Variants in SERPINI1 observed in about 807,000 individuals in gnomAD.
The protein encoded by SERPINI1 is neuroserpin.
In SERPINI1, 19 loss-of-function variants were observed where a neutral mutation model predicts 41.1. The ratio of observed to expected loss-of-function variants is 0.46; its 90% CI spans 0.32 to 0.68. The LOEUF is 0.68. SERPINI1 is among the 30% of genes least tolerant of loss of function. The probability of loss-of-function intolerance (pLI) is 0.03; values close to 1 mark genes in which losing one functional copy is unlikely to be tolerated. For missense variants in SERPINI1, 460 were observed against 479.2 expected (o/e 0.96, Z 0.37); for synonymous variants, 138 against 156.6 (o/e 0.88, Z 0.89).
intron 3 of SERPINI1, among the ~76,000 whole-genome samples, chr3:167,791,386 C>A (rs1341476786): frequency 6.6e-6 from 1 of 152,108 alleles, no homozygotes; most frequent in Non-Finnish European, 1.5e-5. Context: ...CTCAATATCC[C>A]TTAATCTCCA....
At chr3:167,742,269 T>C (rs969999582) in intron 1 of SERPINI1, among the ~76,000 whole-genome samples, 17 of 152,184 alleles carry the variant, frequency 1.1e-4, no homozygotes, top group Admixed American at 8.5e-4. Flanking sequence ...CCAAAAGTGA[T>C]TAACAATTTA....
At chr3:167,789,539 A>T (rs1351434167) in intron 2 of SERPINI1, among the ~76,000 whole-genome samples, 161 bp downstream of exon 2, 1 of 152,248 alleles carries the variant, frequency 6.6e-6, no homozygotes, top group African/African-American at 2.4e-5. Flanking sequence ...AAATGTGTTA[A>T]TTCCTGATTC....
intron 1 of SERPINI1, among the ~76,000 whole-genome samples, chr3:167,741,532 T>A (rs1440577252): frequency 6.6e-6 from 1 of 152,258 alleles, no homozygotes; most frequent in Non-Finnish European, 1.5e-5. Flanking sequence ...CTTTGAGGTC[T>A]TTTAACCAGC....
chr3:167,770,828 T>C (rs1726724373), intron 1 of SERPINI1, among the ~76,000 whole-genome samples: 1 of 152,202 alleles, frequency 6.6e-6, no homozygotes. Flanking sequence ...TTTCTCCAGC[T>C]CTCACTAACC....
rs1727411203 is a variant in SERPINI1, at chr3:167,789,166, A to G, written c.38A>G (p.Gln13Arg). 1.9e-6 allele frequency: 3 copies of G among 1,614,028 alleles called. No individual in the cohort carries two copies. Among genetic ancestry groups the G allele is most frequent in the Admixed American group, 1.7e-5 (1 of 60,006 alleles). ...GGACTCTTCTCTTTGCTGGTTCTGC[A>G]AAGTATGGCTACAGGGGCCACTTTC... ...FLGLFSLLVL[Q>R]SMATGATFPE... is the part of the protein sequence containing the mutation. The change falls in exon 2 of 9, where the codon CAA becomes CGA. Residue 13 changes from glutamine to arginine, a missense_variant. Transcript: ENST00000446050.
At chr3:167,791,392 C>T (rs1227295274) in intron 3 of SERPINI1, among the ~76,000 whole-genome samples, 1 of 152,110 alleles carries the variant, frequency 6.6e-6, no homozygotes, top group Non-Finnish European at 1.5e-5. Context: ...ATCCCTTAAT[C>T]TCCAAGATGT....
intron 6 of SERPINI1, among the ~76,000 whole-genome samples, chr3:167,815,158 G>A (rs964582900): frequency 6.6e-6 from 1 of 152,068 alleles, no homozygotes; most frequent in African/African-American, 2.4e-5. Flanking sequence ...AAGAGTGTAT[G>A]GCCTAGCAGG....
At chr3:167,762,540 C>T (rs1399992892) in intron 1 of SERPINI1, among the ~76,000 whole-genome samples, 1 of 152,142 alleles carries the variant, frequency 6.6e-6, no homozygotes, top group East Asian at 1.9e-4. Flanking sequence ...CCTCCCCATT[C>T]CACCTGTATT....
intron 6 of SERPINI1, among the ~76,000 whole-genome samples, chr3:167,820,319 G>A (rs1261311580): frequency 2.6e-5 from 4 of 152,234 alleles, no homozygotes; most frequent in Non-Finnish European, 5.9e-5. Flanking sequence ...CTGGGAAGAA[G>A]TGGAAGCCTG....
intron 1 of SERPINI1, among the ~76,000 whole-genome samples, chr3:167,774,054 A>G (rs1168279260): frequency 6.6e-6 from 1 of 152,200 alleles, no homozygotes. Context: ...TCTAAAAAAA[A>G]GAATTCTTAG....
intron 3 of SERPINI1, 35 bp from the exon 4 acceptor site, chr3:167,792,555 C>A: frequency 6.3e-7 from 1 of 1,576,748 alleles, no homozygotes; most frequent in Middle Eastern, 1.7e-4. Context: ...TCCAGTTTAA[C>A]ATGAATTTTT....
chr3:167,761,049 A>G (rs1040831053), intron 1 of SERPINI1, among the ~76,000 whole-genome samples: 2 of 152,142 alleles, frequency 1.3e-5, no homozygotes, highest in Non-Finnish European at 2.9e-5. Context: ...AACCTAACCT[A>G]GAGAGGGAGA....
intron 1 of SERPINI1, among the ~76,000 whole-genome samples, chr3:167,759,533 A>C (rs892013997): frequency 6.6e-6 from 1 of 151,950 alleles, no homozygotes; most frequent in Non-Finnish European, 1.5e-5. Flanking sequence ...TCAAAAAATC[A>C]GATACCAAAT....
Position 167,820,421 on chromosome 3 carries a change from C to G in SERPINI1, c.980-2565C>G, listed in dbSNP as rs62274817. Among the ~76,000 whole-genome samples, 1,230 of 152,328 alleles carry G rather than the reference C, an allele frequency of 8.1e-3. 11 individuals are homozygous for G. The highest frequency in any genetic ancestry group is 0.013 in the Non-Finnish European group (871 of 68,028). On this transcript the variant is annotated intron_variant, in intron 6 of 8. Coordinates refer to ENST00000446050, the MANE Select transcript of SERPINI1 (RefSeq NM_001122752.2). ...CTCTGCACTCTCCAGGCCCAGGAAG[C>G]CCCTGCCCACTGCAGGCTCAGAAGT... is the stretch of plus-strand genomic sequence containing the variant.
rs115570247 is a variant in SERPINI1, at chr3:167,771,039, T to C, written c.-18-18072T>C. Among the ~76,000 whole-genome samples the C allele has an allele frequency of 9.3e-3, 1,416 of 152,342 alleles. 25 individuals are homozygous for C. The highest frequency in any genetic ancestry group is 0.032 in the African/African-American group (1,336 of 41,568). On this transcript the variant is annotated intron_variant, in intron 1 of 8. Coordinates refer to ENST00000446050, the MANE Select transcript of SERPINI1 (RefSeq NM_001122752.2). ...GCAGCATTTTATCTGTTCTTTTGTA[T>C]AGATCCTTCTTATTTCTGTTTGAGT...
intron 1 of SERPINI1, among the ~76,000 whole-genome samples, chr3:167,742,816 TTTTGTGTGTGTGTG>T (rs1559992261): frequency 7.4e-6 from 1 of 135,632 alleles, no homozygotes. Context: ...TTTTGTGCCG[TTTTGTGTGTGTGTG>T]TGTGTGTGTG....
At chr3:167,775,696 T>C (rs1245872398) in intron 1 of SERPINI1, among the ~76,000 whole-genome samples, 1 of 117,518 alleles carries the variant, frequency 8.5e-6, no homozygotes, top group Non-Finnish European at 1.8e-5. Flanking sequence ...GTAGACCTAG[T>C]AGATGAAAAA....
intron 1 of SERPINI1, among the ~76,000 whole-genome samples, chr3:167,744,868 A>T (rs1287025191): frequency 2.3e-5 from 3 of 132,582 alleles, no homozygotes; most frequent in African/African-American, 8.5e-5. Flanking sequence ...TATATATATA[A>T]ATATATATAT....
intron 1 of SERPINI1, among the ~76,000 whole-genome samples, chr3:167,748,151 T>C (rs929462633): frequency 6.6e-6 from 1 of 151,796 alleles, no homozygotes; most frequent in African/African-American, 2.4e-5. Context: ...TAAACAAATA[T>C]ATTGCAGTTA....
Sources: gnomAD v4.1 joint callset for allele counts (sites outside exome capture counted in the v4.1 genomes callset) on GRCh38, gnomAD v4.1.1 for gene constraint, MANE v1.5 for transcripts, NCBI Gene and HGNC (gene_info 2026-07-23, HGNC 2026-07-21) for gene names.